Variants in ZDHHC21 observed in about 807,000 individuals in gnomAD.
The protein encoded by ZDHHC21 is zDHHC palmitoyltransferase 21.
A neutral mutation model predicts 34.6 loss-of-function variants in ZDHHC21; 15 were observed. The ratio of observed to expected loss-of-function variants is 0.43; its 90% CI spans 0.29 to 0.67. The LOEUF (loss-of-function observed/expected upper bound fraction) is 0.67, where lower values mean the gene tolerates loss of function less well. Among genes scored for constraint, ZDHHC21 ranks in the 30% least tolerant of loss-of-function variants. The probability of loss-of-function intolerance (pLI) is 0.14; values close to 1 mark genes in which losing one functional copy is unlikely to be tolerated. For missense variants in ZDHHC21, 344 were observed against 327.7 expected, an observed-to-expected ratio of 1.05 and a Z score of -0.38; for synonymous variants, 142 against 101.8, an observed-to-expected ratio of 1.40 and a Z score of -2.38.
chr9:14,640,047 G>C, intron 7 of ZDHHC21, 35 bp from the exon 8 acceptor site: 3 of 1,308,360 alleles, frequency 2.3e-6, no homozygotes, highest in Admixed American at 1.9e-5. Context: ...AAACCATTCA[G>C]AGTTGCTTAC....
intron 2 of ZDHHC21, among the ~76,000 whole-genome samples, chr9:14,684,215 G>T (rs1409195413): frequency 6.6e-6 from 1 of 151,226 alleles, no homozygotes; most frequent in Non-Finnish European, 1.5e-5. Flanking sequence ...AATTAGGCAG[G>T]AGAAGGAAAT....
intron 5 of ZDHHC21, 50 bp from the exon 6 acceptor site, chr9:14,662,376 T>C: frequency 7.3e-7 from 1 of 1,369,080 alleles, no homozygotes; most frequent in Non-Finnish European, 1.0e-6. Context: ...TGGGTAATGC[T>C]GAAATTTACC....
chr9:14,619,883 C>CAAA (rs5896639), intron 8 of ZDHHC21, among the ~76,000 whole-genome samples: 66 of 150,278 alleles, frequency 4.4e-4, no homozygotes, highest in African/African-American at 8.5e-4. Context: ...TTATACTATG[C>CAAA]AAAAAAAAAC....
downstream of ZDHHC21, among the ~76,000 whole-genome samples, chr9:14,609,777 A>G (rs1225095450): frequency 1.3e-5 from 2 of 152,124 alleles, no homozygotes; most frequent in Non-Finnish European, 1.5e-5. Flanking sequence ...CTGACTCCAC[A>G]TTGGAACTAA....
Position 14,614,517 on chromosome 9 carries a change from T to C in ZDHHC21, c.*4449A>G, listed in dbSNP as rs1823858654. On this transcript the variant is annotated 3_prime_UTR_variant, in exon 10 of 10. Coordinates refer to ENST00000380916, the MANE Select transcript of ZDHHC21 (RefSeq NM_178566.6). ...TTAACATATAGAATTACAACACTGG[T>C]TCAAAATAGTTCAAGCAAGTTGGTT... The C allele has an allele frequency of 6.6e-6, 1 of 151,656 alleles. No homozygotes were observed. The highest frequency in any genetic ancestry group is 1.5e-5 in the Non-Finnish European group (1 of 67,704). The allele number at this position is 151,656 out of a possible 1,614,324, so 9.4% of individuals were successfully genotyped here.
At chr9:14,636,731 T>A (rs10756591) in intron 8 of ZDHHC21, among the ~76,000 whole-genome samples, 119,188 of 152,078 alleles carry the variant, frequency 0.78, 47,337 homozygotes, top group African/African-American at 0.91. Context: ...GTGGAATAAA[T>A]CTAAAAATCA....
At chr9:14,635,264 T>C (rs930277065) in intron 8 of ZDHHC21, among the ~76,000 whole-genome samples, 7 of 152,166 alleles carry the variant, frequency 4.6e-5, no homozygotes, top group African/African-American at 1.7e-4. Flanking sequence ...AAAACCTACT[T>C]AAGGATATAA....
At chr9:14,683,900 C>T (rs1024637807) in intron 2 of ZDHHC21, among the ~76,000 whole-genome samples, 5 of 152,098 alleles carry the variant, frequency 3.3e-5, no homozygotes, top group Admixed American at 6.6e-5. Context: ...GTTCAACATA[C>T]GAAAATCAAT....
In ZDHHC21 at chr9:14,638,408, G is replaced by C. The variant is rs527413499; in HGVS notation, c.621+1488C>G. Among the ~76,000 whole-genome samples, 8 of 152,108 alleles carry C rather than the reference G, an allele frequency of 5.3e-5. No individual in the cohort carries two copies. The South Asian group carries it at 1.4e-3, about 28-fold the overall frequency. On this transcript the variant is annotated intron_variant, in intron 8 of 9. Transcript: ENST00000380916. ...AGAAACCAACTCAAGATGTATTAAA[G>C]ACTTAAACATAAAACCTACAACTGT...
the ZDHHC21 span, among the ~76,000 whole-genome samples, chr9:14,595,180 A>C: frequency 6.6e-6 from 1 of 152,204 alleles, no homozygotes; most frequent in Non-Finnish European, 1.5e-5. Context: ...ACCCCAGATA[A>C]ATAAAACATA....
chr9:14,654,283 T>C (rs10448192), intron 7 of ZDHHC21, among the ~76,000 whole-genome samples: 134,815 of 152,034 alleles, frequency 0.89, 59,890 homozygotes, highest in East Asian at 0.93. Context: ...ATGCAATAAA[T>C]AGCATCTTTC....
chr9:14,683,330 A>G (rs929527061), intron 2 of ZDHHC21, among the ~76,000 whole-genome samples: 1 of 152,138 alleles, frequency 6.6e-6, no homozygotes, highest in African/African-American at 2.4e-5. Context: ...AAAAGAGAGA[A>G]GAATCAAATA....
At chr9:14,649,953 C>G (rs187552851) in intron 7 of ZDHHC21, among the ~76,000 whole-genome samples, 1 of 152,048 alleles carries the variant, frequency 6.6e-6, no homozygotes, top group East Asian at 1.9e-4. Flanking sequence ...AAATTGCTGC[C>G]AGGTTTTAAC....
chr9:14,599,532 A>T, the ZDHHC21 span, among the ~76,000 whole-genome samples: 2 of 151,420 alleles, frequency 1.3e-5, no homozygotes, highest in African/African-American at 4.9e-5. Context: ...GTTTGGGCAG[A>T]CACTGAGCTA....
the ZDHHC21 span, among the ~76,000 whole-genome samples, chr9:14,593,160 C>G: frequency 3.9e-3 from 587 of 151,790 alleles, 3 homozygotes; most frequent in African/African-American, 0.013. Context: ...ATAGCACAAA[C>G]AAAGGAAATG....
chr9:14,610,334 A>C (rs1823162817), downstream of ZDHHC21, among the ~76,000 whole-genome samples: 1 of 152,010 alleles, frequency 6.6e-6, no homozygotes, highest in African/African-American at 2.4e-5. Flanking sequence ...TTGCAAAATA[A>C]ACAAGATTAA....
chr9:14,620,387 T>C (rs1045705020), intron 8 of ZDHHC21, among the ~76,000 whole-genome samples: 5 of 151,972 alleles, frequency 3.3e-5, no homozygotes, highest in South Asian at 2.1e-4. Flanking sequence ...TTATAAGCAA[T>C]AGCCAAATAA....
At chr9:14,681,002 G>C (rs940326131) in intron 2 of ZDHHC21, among the ~76,000 whole-genome samples, 1 of 152,132 alleles carries the variant, frequency 6.6e-6, no homozygotes, top group Non-Finnish European at 1.5e-5. Flanking sequence ...AACAGAATAA[G>C]CAAAGGCATA....
At position 14,614,228 on chromosome 9, in the gene ZDHHC21, G is replaced by A. The variant is rs994272159; in HGVS notation, c.*4738C>T. The stretch of plus-strand genomic sequence containing the variant: ...ACTACTCATTTGTACCTATTCTCTA[G>A]GGTGGACAAGGCAAAAAGAACATAA... On this transcript the variant is annotated 3_prime_UTR_variant, in exon 10 of 10. Transcript: ENST00000380916. The A allele has an allele frequency of 6.6e-6, 1 of 151,586 alleles. No individual in the cohort carries two copies. Among genetic ancestry groups the A allele is most frequent in the Admixed American group, 6.6e-5 (1 of 15,164 alleles). The allele number at this position is 151,586 out of a possible 1,614,324, so 9.4% of individuals were successfully genotyped here. A position where few individuals can be genotyped will look rare whatever the true frequency, so the allele number is the denominator to read the frequency against.
Sources: allele counts gnomAD v4.1 joint callset (sites outside exome capture counted in the v4.1 genomes callset), GRCh38; gene constraint gnomAD v4.1.1; transcripts MANE v1.5; gene names NCBI Gene and HGNC (gene_info 2026-07-23, HGNC 2026-07-21).